ZNRF3: variants seen among roughly 807,000 people sequenced by gnomAD.
The protein encoded by ZNRF3 is zinc and ring finger 3.
In ZNRF3, 23 loss-of-function variants were observed where a neutral mutation model predicts 72.5. The ratio of observed to expected loss-of-function variants is 0.32; its 90% CI spans 0.23 to 0.45. The LOEUF (loss-of-function observed/expected upper bound fraction) is 0.45. ZNRF3 is among the 20% of genes least tolerant of loss of function. The pLI is 1.00. For synonymous variants in ZNRF3, 610 were observed against 545.3 expected (o/e 1.12, Z -1.65); for missense variants, 1,169 against 1,272.1 (o/e 0.92, Z 1.23).
intron 1 of ZNRF3, among the ~76,000 whole-genome samples, chr22:28,950,328 G>A (rs2035137375): frequency 6.6e-6 from 1 of 152,210 alleles, no homozygotes. Context: ...AGCATTTAAT[G>A]GAAATGGGGA....
intron 8 of ZNRF3, among the ~76,000 whole-genome samples, chr22:29,052,189 C>T (rs1379177205): frequency 6.6e-6 from 1 of 152,150 alleles, no homozygotes. Context: ...AAAGTACATC[C>T]CAAATGTATC....
intron 1 of ZNRF3, among the ~76,000 whole-genome samples, chr22:28,920,197 C>G (rs967819816): frequency 6.6e-6 from 1 of 151,920 alleles, no homozygotes; most frequent in Admixed American, 6.6e-5. Context: ...AACTCCTGAC[C>G]TTGGGGGATC....
intron 1 of ZNRF3, among the ~76,000 whole-genome samples, chr22:28,946,113 G>A (rs1480590358): frequency 6.6e-6 from 1 of 152,160 alleles, no homozygotes. Flanking sequence ...TCCGTATAAT[G>A]CAAATATTTG....
chr22:28,936,442 A>C (rs2034821516), intron 1 of ZNRF3, among the ~76,000 whole-genome samples: 1 of 152,098 alleles, frequency 6.6e-6, no homozygotes, highest in Non-Finnish European at 1.5e-5. Flanking sequence ...ATCAGCAGGC[A>C]ACCCTGACTC....
intron 1 of ZNRF3, among the ~76,000 whole-genome samples, chr22:28,903,615 C>G (rs1040249247): frequency 3.3e-5 from 5 of 152,124 alleles, no homozygotes; most frequent in Non-Finnish European, 7.4e-5. Flanking sequence ...AGACTGGGCT[C>G]TGCATTCCTC....
Position 28,883,864 on chromosome 22 carries a change from C to T in ZNRF3, c.98C>T (p.Pro33Leu), listed in dbSNP as rs2033713985. Residue 33 changes from proline (P) to leucine (L), a missense_variant, in exon 1 of 9, where the codon CCG (proline) becomes CTG (leucine). By Grantham distance (98) the Pro-to-Leu change is moderately conservative (BLOSUM62 -3). Around this residue, in one of 2 missense-constraint regions of ZNRF3, gnomAD observed 386 missense variants for 540.7 expected, o/e 0.71. Coordinates refer to ENST00000544604, the MANE Select transcript of ZNRF3 (RefSeq NM_001206998.2). The surrounding 1 kb of genome is among the most constrained non-coding windows in gnomAD (Gnocchi z 5.5). Reference protein sequence around the residue: ...PRGLRCSRLPPPPPLPLLLGL... With the variant: ...PRGLRCSRLPLPPPLPLLLGL... ...GGCCTCCGGTGCAGCCGCCTGCCGC[C>T]GCCGCCGCCGCTGCCGCTGCTGCTC... The T allele has an allele frequency of 3.0e-6, 3 of 1,003,228 alleles. No homozygotes were observed. The highest frequency in any genetic ancestry group is 4.5e-5 in the South Asian group (1 of 22,410). The allele number at this position is 1,003,228 out of a possible 1,614,324, so 62.1% of individuals were successfully genotyped here. A position where few individuals can be genotyped will look rare whatever the true frequency, so the allele number is the denominator to read the frequency against.
At chr22:29,034,928 A>C (rs748900450) in intron 2 of ZNRF3, among the ~76,000 whole-genome samples, 5 of 152,088 alleles carry the variant, frequency 3.3e-5, no homozygotes, top group African/African-American at 1.2e-4. Context: ...TGGAACAACT[A>C]AATTAATACA....
chr22:28,921,570 C>G (rs2034513783), intron 1 of ZNRF3, among the ~76,000 whole-genome samples: 5 of 152,192 alleles, frequency 3.3e-5, no homozygotes, highest in Admixed American at 2.0e-4. Flanking sequence ...TCTGCTGCCT[C>G]CGAACCTGAA....
intron 1 of ZNRF3, among the ~76,000 whole-genome samples, chr22:28,888,942 CATACAAAAAAA>C (rs553608179): frequency 1.3e-5 from 2 of 152,016 alleles, no homozygotes; most frequent in South Asian, 4.2e-4. Context: ...ATGGTGAAAC[CATACAAAAAAA>C]ATACAAAAAA....
chr22:28,934,817 CAAAAAAAAAAAAA>C (rs1244256699), intron 1 of ZNRF3, among the ~76,000 whole-genome samples: 1 of 57,152 alleles, frequency 1.7e-5, no homozygotes, highest in Non-Finnish European at 3.9e-5. Flanking sequence ...GACTCTGTCT[CAAAAAAAAAAAAA>C]AAAAAAAAGT....
chr22:28,895,186 G>A (rs1024717457), intron 1 of ZNRF3, among the ~76,000 whole-genome samples: 4 of 152,182 alleles, frequency 2.6e-5, no homozygotes, highest in Non-Finnish European at 5.9e-5. Flanking sequence ...GACCCCATGA[G>A]TCTCAAGTTA....
chr22:29,019,387 T>G (rs1419013712), intron 2 of ZNRF3, among the ~76,000 whole-genome samples: 2 of 152,352 alleles, frequency 1.3e-5, no homozygotes, highest in East Asian at 3.9e-4. Flanking sequence ...ATCTTCCTTC[T>G]AGTTGAGCTA....
intron 1 of ZNRF3, among the ~76,000 whole-genome samples, chr22:28,981,889 C>T (rs1407179400): frequency 6.6e-6 from 1 of 152,066 alleles, no homozygotes; most frequent in African/African-American, 2.4e-5. Flanking sequence ...CCCAGCTACT[C>T]AAGAGGCTGA....
chr22:28,907,548 C>T (rs1244695323), intron 1 of ZNRF3, among the ~76,000 whole-genome samples: 1 of 152,172 alleles, frequency 6.6e-6, no homozygotes, highest in Non-Finnish European at 1.5e-5. Flanking sequence ...CTTTCATGGT[C>T]TGGTTCCATG....
intron 1 of ZNRF3, among the ~76,000 whole-genome samples, chr22:28,978,359 G>A (rs1361563881): frequency 2.0e-5 from 3 of 152,126 alleles, no homozygotes; most frequent in East Asian, 1.9e-4. Context: ...TTTTGGTTGC[G>A]AAGGGTGGTG....
In ZNRF3 at chr22:29,050,776, G is replaced by T. The variant is rs1176317114; in HGVS notation, c.2595G>T (p.Arg865=). The stretch of plus-strand genomic sequence containing the variant: ...GGACGCGAGGCCCGGATACCCCACG[G>T]CCCCACAGGGGCCTGGGAGCAACCC... ...WGGTRGPDTP[R]PHRGLGATRE... The change falls in exon 8 of 9, where the codon CGG becomes CGT. Residue 865 remains arginine (R), a synonymous_variant. Coordinates refer to ENST00000544604, the MANE Select transcript of ZNRF3 (RefSeq NM_001206998.2). The T allele has an allele frequency of 3.7e-6, 6 of 1,606,936 alleles. No homozygotes were observed. The highest frequency in any genetic ancestry group is 4.5e-5 in the East Asian group (2 of 44,614).
intron 2 of ZNRF3, among the ~76,000 whole-genome samples, chr22:29,016,689 T>G (rs1405511671): frequency 6.6e-6 from 1 of 152,222 alleles, no homozygotes; most frequent in Non-Finnish European, 1.5e-5. Context: ...GTTTTCATAT[T>G]CAGATTTAAA....
chr22:28,995,406 C>T (rs548200804), intron 2 of ZNRF3, among the ~76,000 whole-genome samples: 52 of 152,058 alleles, frequency 3.4e-4, no homozygotes, highest in Non-Finnish European at 6.9e-4. Flanking sequence ...CCAAACTGGG[C>T]GACAGAGCGA....
At chr22:28,997,047 C>T (rs116085910) in intron 2 of ZNRF3, among the ~76,000 whole-genome samples, 1 of 152,106 alleles carries the variant, frequency 6.6e-6, no homozygotes, top group Non-Finnish European at 1.5e-5. Flanking sequence ...GTGAGATTCT[C>T]AACTTAAGAG....
Sources: gnomAD v4.1 joint callset for allele counts (sites outside exome capture counted in the v4.1 genomes callset) on GRCh38, gnomAD v4.1.1 for gene constraint, gnomAD v4.1.1 regional missense constraint, Gnocchi (gnomAD v3.1) non-coding constraint, MANE v1.5 for transcripts, NCBI Gene and HGNC (gene_info 2026-07-23, HGNC 2026-07-21) for gene names.